CREB3L1: variants seen among roughly 807,000 people sequenced by gnomAD.
The protein encoded by CREB3L1 is cAMP responsive element binding protein 3 like 1.
Under a neutral mutation model 54.5 loss-of-function variants are expected in CREB3L1, and 33 were observed. The observed-to-expected ratio is 0.61, with a 90% confidence interval of 0.46 to 0.81. CREB3L1 has a LOEUF of 0.81. Ranked by LOEUF, CREB3L1 falls within the 30% of genes least tolerant of loss-of-function variation. CREB3L1 has a pLI of 0.00. For missense variants in CREB3L1, 656 were observed against 673.3 expected, an observed-to-expected ratio of 0.97 and a Z score of 0.29; for synonymous variants, 284 against 286.4, an observed-to-expected ratio of 0.99 and a Z score of 0.08.
intron 2 of CREB3L1, 142 bp from the exon 3 acceptor site, chr11:46,307,674 C>A: frequency 5.0e-6 from 3 of 605,448 alleles, no homozygotes; most frequent in Non-Finnish European, 5.5e-6. Context: ...CTCCTCCTCA[C>A]CTCACAACCA....
chr11:46,278,894 T>G lies in CREB3L1; in HGVS notation c.102+681T>G, dbSNP rs575822560. On this transcript the variant is annotated intron_variant, in intron 1 of 11. Transcript: ENST00000621158. The surrounding 1 kb of genome is among the most constrained non-coding windows in gnomAD (Gnocchi z 4.2). The stretch of plus-strand genomic sequence containing the variant: ...CTGGCTGACTTTCTCCCTCTCCCTA[T>G]GTCTTCTTGACTAGGTCCGACTGTG... 7.4e-4 allele frequency among the ~76,000 whole-genome samples: 112 copies of G among 152,198 alleles called. No individual in the cohort carries two copies. The highest frequency in any genetic ancestry group is 1.4e-3 in the Non-Finnish European group (96 of 68,012).
Position 46,278,244 on chromosome 11 carries a change from C to G in CREB3L1, c.102+31C>G. The G allele has an allele frequency of 4.3e-6, 6 of 1,408,694 alleles. No homozygotes were observed. The highest frequency in any genetic ancestry group is 4.9e-6 in the Non-Finnish European group (5 of 1,027,662). The allele number at this position is 1,408,694 out of a possible 1,614,324, so 87.3% of individuals were successfully genotyped here. A position where few individuals can be genotyped will look rare whatever the true frequency, so the allele number is the denominator to read the frequency against. The stretch of plus-strand genomic sequence containing the variant: ...ATGAAGGGTCTCCGTTCCCGTTCCA[C>G]CCCTCGGCACCCGTCCTCGCGGCGC... On this transcript the variant is annotated intron_variant, in intron 1 of 11. Coordinates refer to ENST00000621158, the MANE Select transcript of CREB3L1 (RefSeq NM_052854.4). This position sits in a 1 kb window ranked among gnomAD's most constrained non-coding sequence, Gnocchi z 4.2.
intron 1 of CREB3L1, among the ~76,000 whole-genome samples, chr11:46,294,971 T>TC (rs970447561): frequency 6.6e-6 from 1 of 151,136 alleles, no homozygotes; most frequent in South Asian, 2.1e-4. Context: ...GGCTCAGGAT[T>TC]CCCCCCCACC....
intron 8 of CREB3L1, chr11:46,315,399 A>C (rs1590352077): frequency 4.6e-6 from 1 of 216,586 alleles, no homozygotes; most frequent in East Asian, 6.8e-5. Flanking sequence ...CCTGTGCTGA[A>C]CGCATTCTGT....
At position 46,316,289 on chromosome 11, in the gene CREB3L1, C is replaced by T; in HGVS notation, c.1035C>T (p.Thr345=). ...KVETLENANR[T]LLQQLQKLQT... ...CTGACTGCTGTGCCCTCCTCAGGAC[C>T]CTGCTCCAGCAGCTGCAGAAACTCC... Residue 345 remains threonine (T), a synonymous_variant, in exon 9 of 12, where the codon ACC becomes ACT. Coordinates refer to ENST00000621158, the MANE Select transcript of CREB3L1 (RefSeq NM_052854.4). 1 of 1,560,316 alleles carries T rather than the reference C, an allele frequency of 6.4e-7. No homozygotes were observed. The highest frequency in any genetic ancestry group is 8.7e-7 in the Non-Finnish European group (1 of 1,151,786).
At chr11:46,317,140 G>A (rs1466352343) in intron 9 of CREB3L1, among the ~76,000 whole-genome samples, 5 of 152,138 alleles carry the variant, frequency 3.3e-5, no homozygotes, top group Admixed American at 6.5e-5. Context: ...TGCCTGTGGC[G>A]ACCCCCCTAC....
At chr11:46,310,148 C>G (rs1334097321) in intron 4 of CREB3L1, 81 bp downstream of exon 4, 1 of 1,078,470 alleles carries the variant, frequency 9.3e-7, no homozygotes, top group African/African-American at 1.6e-5. Flanking sequence ...TCAGCCCATC[C>G]CTATCTCTTG....
intron 1 of CREB3L1, among the ~76,000 whole-genome samples, chr11:46,290,373 C>A (rs1169918872): frequency 2.0e-5 from 3 of 152,114 alleles, no homozygotes; most frequent in African/African-American, 7.2e-5. Flanking sequence ...CTCCTGAGCC[C>A]AGCCCAGCCT....
intron 2 of CREB3L1, 75 bp downstream of exon 2, chr11:46,300,238 G>C: frequency 5.2e-6 from 6 of 1,163,382 alleles, no homozygotes; most frequent in Non-Finnish European, 7.5e-6. Context: ...GGTGACAAGA[G>C]AGTGTGCCTG....
chr11:46,281,291 A>G (rs1372862346), intron 1 of CREB3L1, among the ~76,000 whole-genome samples: 3 of 152,072 alleles, frequency 2.0e-5, no homozygotes, highest in African/African-American at 7.2e-5. Context: ...TATGAGAGAG[A>G]GGGTCTGGGC....
At position 46,278,249 on chromosome 11, in the gene CREB3L1, C is replaced by G. The variant is rs1373495296; in HGVS notation, c.102+36C>G. On this transcript the variant is annotated intron_variant, in intron 1 of 11. Transcript: ENST00000621158. This position sits in a 1 kb window ranked among gnomAD's most constrained non-coding sequence, Gnocchi z 4.2. ...GGGTCTCCGTTCCCGTTCCACCCCT[C>G]GGCACCCGTCCTCGCGGCGCGCCTG... 4 of 1,394,868 alleles carry G rather than the reference C, an allele frequency of 2.9e-6. No individual in the cohort carries two copies. The Admixed American group carries it at 6.2e-5, about 22-fold the overall frequency. 86.4% of individuals were successfully genotyped at this position (1,394,868 alleles called of 1,614,324 possible). A position where few individuals can be genotyped will look rare whatever the true frequency, so the allele number is the denominator to read the frequency against.
At chr11:46,286,234 A>T (rs572382324) in intron 1 of CREB3L1, among the ~76,000 whole-genome samples, 1 of 152,322 alleles carries the variant, frequency 6.6e-6, no homozygotes, top group South Asian at 2.1e-4. Flanking sequence ...CGATAGAGGA[A>T]TGAATAGGTG....
At chr11:46,305,326 C>T (rs1426760474) in intron 2 of CREB3L1, among the ~76,000 whole-genome samples, 1 of 151,978 alleles carries the variant, frequency 6.6e-6, no homozygotes, top group Non-Finnish European at 1.5e-5. Context: ...ATCTAAGCCT[C>T]ACCTCTCACT....
intron 2 of CREB3L1, among the ~76,000 whole-genome samples, chr11:46,300,482 A>G (rs1263355615): frequency 6.6e-6 from 1 of 152,182 alleles, no homozygotes; most frequent in Admixed American, 6.5e-5. Flanking sequence ...CTGAATCACA[A>G]CCCTGTGGGT....
intron 8 of CREB3L1, chr11:46,315,753 CG>C (rs1939557861): frequency 5.8e-6 from 1 of 172,322 alleles, no homozygotes; most frequent in Admixed American, 6.4e-5. Context: ...ACCTCGGAGG[CG>C]GAGGTTGCAG....
Position 46,321,223 on chromosome 11 carries a change from G to T in CREB3L1, c.*477G>T, listed in dbSNP as rs1939648391. 2 of 318,222 alleles carry T rather than the reference G, an allele frequency of 6.3e-6. No homozygotes were observed. The highest frequency in any genetic ancestry group is 4.1e-5 in the African/African-American group (2 of 49,110). 19.7% of individuals were successfully genotyped at this position (318,222 alleles called of 1,614,324 possible). A position where few individuals can be genotyped will look rare whatever the true frequency, so the allele number is the denominator to read the frequency against. ...TCCCTCTTCCCTTCGCCCCTCCCTT[G>T]TTTTATATTTTATGAAGTTAGTGCG... is the stretch of plus-strand genomic sequence containing the variant. On this transcript the variant is annotated 3_prime_UTR_variant, in exon 12 of 12. Transcript: ENST00000621158.
chr11:46,279,723 A>G (rs1232547766), intron 1 of CREB3L1, among the ~76,000 whole-genome samples: 2 of 152,214 alleles, frequency 1.3e-5, no homozygotes, highest in African/African-American at 4.8e-5. Flanking sequence ...TGAAGCTGGT[A>G]AAAGACACTA....
At chr11:46,284,162 C>G (rs1303725951) in intron 1 of CREB3L1, among the ~76,000 whole-genome samples, 1 of 152,176 alleles carries the variant, frequency 6.6e-6, no homozygotes, top group African/African-American at 2.4e-5. Flanking sequence ...ACACACTTGA[C>G]CCTCCAGTCA....
At chr11:46,285,717 G>A (rs551852095) in intron 1 of CREB3L1, among the ~76,000 whole-genome samples, 10 of 152,168 alleles carry the variant, frequency 6.6e-5, no homozygotes, top group Admixed American at 3.9e-4. Context: ...CTCGTGGCTC[G>A]TGGCCCAGAA....
Sources: allele counts gnomAD v4.1 joint callset (sites outside exome capture counted in the v4.1 genomes callset), GRCh38; gene constraint gnomAD v4.1.1; non-coding constraint Gnocchi (gnomAD v3.1); transcripts MANE v1.5; gene names NCBI Gene and HGNC (gene_info 2026-07-23, HGNC 2026-07-21).